Variants in CNBD1 observed in about 807,000 individuals in gnomAD.
CNBD1 encodes cyclic nucleotide-binding domain-containing protein 1.
Under a neutral mutation model 54.4 loss-of-function variants are expected in CNBD1, and 71 were observed. The ratio of observed to expected loss-of-function variants is 1.30; its 90% CI spans 1.08 to 1.59. The LOEUF (loss-of-function observed/expected upper bound fraction) is 1.59. CNBD1 is among the 40% of genes most tolerant of loss of function. CNBD1 has a pLI of 0.00. For missense variants in CNBD1, 659 were observed against 518.0 expected (o/e 1.27, Z -2.64); for synonymous variants, 182 against 170.7 (o/e 1.07, Z -0.51).
chr8:87,229,916 C>T (rs1435792754), intron 5 of CNBD1, among the ~76,000 whole-genome samples: 1 of 151,922 alleles, frequency 6.6e-6, no homozygotes, highest in Non-Finnish European at 1.5e-5. Flanking sequence ...TGTATTAGTC[C>T]GTTTTCACGC....
intron 4 of CNBD1, among the ~76,000 whole-genome samples, chr8:87,105,183 A>G (rs1233126107): frequency 6.6e-6 from 1 of 152,208 alleles, no homozygotes; most frequent in Non-Finnish European, 1.5e-5. Flanking sequence ...AAAATTGTGA[A>G]ATACCAGTTA....
intron 8 of CNBD1, among the ~76,000 whole-genome samples, chr8:87,327,674 G>A (rs1042781983): frequency 3.9e-4 from 59 of 152,114 alleles, no homozygotes; most frequent in Non-Finnish European, 3.4e-4. Context: ...TGCCCGGTGC[G>A]CACACCCACT....
chr8:87,335,806 T>G (rs1040359183), intron 8 of CNBD1, among the ~76,000 whole-genome samples: 1 of 152,166 alleles, frequency 6.6e-6, no homozygotes, highest in African/African-American at 2.4e-5. Flanking sequence ...GTGTCACTGG[T>G]CTTTATATTT....
At chr8:86,992,705 A>G (rs905662735) in intron 4 of CNBD1, among the ~76,000 whole-genome samples, 3 of 152,126 alleles carry the variant, frequency 2.0e-5, no homozygotes, top group Non-Finnish European at 2.9e-5. Context: ...GAGAAGGATT[A>G]TCTCTCCTTC....
chr8:86,867,140 C>G (rs1808376769), intron 1 of CNBD1, among the ~76,000 whole-genome samples: 1 of 152,024 alleles, frequency 6.6e-6, no homozygotes, highest in South Asian at 2.1e-4. Flanking sequence ...ATATAATTGA[C>G]AGTATTTTCT....
intron 4 of CNBD1, among the ~76,000 whole-genome samples, chr8:87,200,398 C>T (rs187377007): frequency 3.0e-4 from 46 of 151,774 alleles, no homozygotes; most frequent in Admixed American, 5.9e-4. Context: ...AAAAATGGAA[C>T]GAATTTTCAT....
At position 87,418,087 on chromosome 8, in the gene CNBD1, G is replaced by A. The variant is rs1000747084; in HGVS notation, c.214-10459G>A. ...TCAATATGAAAATACTAAGGACCCA[G>A]AACAGTCAACCATCTTGAAAAAGAA... On this transcript the variant is annotated intron_variant, in intron 2 of 7. Transcript: ENST00000521593. Among the ~76,000 whole-genome samples, 5 of 151,772 alleles carry A rather than the reference G, an allele frequency of 3.3e-5. No individual in the cohort carries two copies. In the Admixed American group the frequency reaches 3.3e-4, roughly 10 times the overall value.
chr8:87,363,143 G>C (rs114732930), intron 10 of CNBD1, among the ~76,000 whole-genome samples: 2 of 151,964 alleles, frequency 1.3e-5, no homozygotes, highest in African/African-American at 4.8e-5. Context: ...TGAAAATGAT[G>C]GTTTCCAGAG....
At chr8:87,183,474 TC>T (rs1398538797) in intron 4 of CNBD1, among the ~76,000 whole-genome samples, 2 of 149,908 alleles carry the variant, frequency 1.3e-5, no homozygotes, top group African/African-American at 4.9e-5. Flanking sequence ...AGTTTCAGAC[TC>T]CTCTTGTATC....
Position 87,122,237 on chromosome 8 carries a change from T to G in CNBD1, c.432-83756T>G, listed in dbSNP as rs545304657. Among the ~76,000 whole-genome samples the G allele has an allele frequency of 5.9e-5, 9 of 152,030 alleles. No individual in the cohort carries two copies. In the East Asian group the frequency reaches 1.7e-3, roughly 29 times the overall value. ...TATTCTCACCAAACCTTATCTTTCA[T>G]CTTTTTGATAAAAGCCATTCTAAAG... On this transcript the variant is annotated intron_variant, in intron 4 of 10. Transcript: ENST00000518476.
chr8:86,875,634 GT>G (rs1808509534), intron 1 of CNBD1, among the ~76,000 whole-genome samples: 1 of 151,868 alleles, frequency 6.6e-6, no homozygotes, highest in South Asian at 2.1e-4. Flanking sequence ...TCAGAAATTT[GT>G]AGCACTAGTA....
intron 10 of CNBD1, among the ~76,000 whole-genome samples, chr8:87,357,629 G>T (rs914705511): frequency 1.9e-4 from 29 of 152,124 alleles, no homozygotes; most frequent in Admixed American, 1.5e-3. Context: ...ACTTGTTTTT[G>T]GTCTTACAGG....
chr8:87,259,850 CTT>C (rs1192426365), intron 6 of CNBD1, among the ~76,000 whole-genome samples: 2 of 152,096 alleles, frequency 1.3e-5, no homozygotes, highest in Non-Finnish European at 2.9e-5. Flanking sequence ...CCACAGGACT[CTT>C]TAATAAAGTC....
At chr8:87,032,458 A>G (rs1809815530) in intron 4 of CNBD1, among the ~76,000 whole-genome samples, 1 of 152,162 alleles carries the variant, frequency 6.6e-6, no homozygotes, top group Non-Finnish European at 1.5e-5. Flanking sequence ...GAAAAAATAT[A>G]TTTACTATTA....
At chr8:87,142,988 A>G (rs182187355) in intron 4 of CNBD1, among the ~76,000 whole-genome samples, 4 of 152,246 alleles carry the variant, frequency 2.6e-5, no homozygotes, top group Admixed American at 1.3e-4. Flanking sequence ...TCTGTTCTCA[A>G]TCTTAGGATC....
chr8:86,894,308 G>T (rs530137153), intron 2 of CNBD1, among the ~76,000 whole-genome samples: 3 of 151,580 alleles, frequency 2.0e-5, no homozygotes, highest in Non-Finnish European at 4.4e-5. Flanking sequence ...TGATCCACCC[G>T]CCTCGGCCTC....
intron 8 of CNBD1, among the ~76,000 whole-genome samples, chr8:87,327,900 G>A (rs1809719288): frequency 6.6e-6 from 1 of 151,650 alleles, no homozygotes; most frequent in African/African-American, 2.4e-5. Context: ...CCATTTTTGA[G>A]TTGATTTTTG....
At chr8:86,988,093 G>GTAGAATT (rs1180827844) in intron 4 of CNBD1, among the ~76,000 whole-genome samples, 3 of 150,310 alleles carry the variant, frequency 2.0e-5, no homozygotes, top group African/African-American at 7.3e-5. Flanking sequence ...TGTACATATG[G>GTAGAATT]TAGAATTTGG....
intron 4 of CNBD1, among the ~76,000 whole-genome samples, chr8:87,083,585 C>CCTTT (rs1563461724): frequency 8.5e-6 from 1 of 117,160 alleles, no homozygotes; most frequent in Non-Finnish European, 1.8e-5. Context: ...CAATGTATTT[C>CCTTT]TTTTTTTTTT....
Sources: allele counts gnomAD v4.1 joint callset (sites outside exome capture counted in the v4.1 genomes callset), GRCh38; gene constraint gnomAD v4.1.1; transcripts MANE v1.5; gene names NCBI Gene and HGNC (gene_info 2026-07-23, HGNC 2026-07-21).